The following LRBA variants were observed in gnomAD, a reference collection of about 807,000 sequenced individuals.
The protein encoded by LRBA is lipopolysaccharide-responsive and beige-like anchor protein.
A neutral mutation model predicts 330.0 loss-of-function variants in LRBA; 176 were observed. The observed-to-expected ratio is 0.53, with a 90% CI of 0.47 to 0.60. The LOEUF is 0.60. LRBA is among the 20% of genes least tolerant of loss of function. LRBA has a pLI of 0.00. For missense variants in LRBA, 3,259 were observed against 3,444.8 expected (o/e 0.95, Z 1.35); for synonymous variants, 1,230 against 1,193.0 (o/e 1.03, Z -0.64).
At chr4:150,296,438 AAC>A (rs924811354) in intron 53 of LRBA, among the ~76,000 whole-genome samples, 8 of 152,318 alleles carry the variant, frequency 5.3e-5, no homozygotes, top group African/African-American at 1.9e-4. Context: ...AGTCTTATCA[AAC>A]ACATTCATTT....
At chr4:150,289,422 A>C (rs1580910001) in intron 53 of LRBA, among the ~76,000 whole-genome samples, 1 of 152,220 alleles carries the variant, frequency 6.6e-6, no homozygotes, top group East Asian at 1.9e-4. Context: ...TCCCGGAAGC[A>C]GGTTAGACAG....
chr4:150,707,685 G>A (rs1785766682), intron 36 of LRBA, among the ~76,000 whole-genome samples: 1 of 151,666 alleles, frequency 6.6e-6, no homozygotes, highest in Non-Finnish European at 1.5e-5. Context: ...GTGGAAGGGG[G>A]TGAGACAATA....
chr4:150,525,545 G>A (rs186251634), intron 40 of LRBA, among the ~76,000 whole-genome samples: 1 of 152,134 alleles, frequency 6.6e-6, no homozygotes, highest in Non-Finnish European at 1.5e-5. Flanking sequence ...ACAAATACAA[G>A]GAACTACAGG....
At chr4:150,708,840 G>T (rs1362519583) in intron 36 of LRBA, among the ~76,000 whole-genome samples, 1 of 151,442 alleles carries the variant, frequency 6.6e-6, no homozygotes, top group Non-Finnish European at 1.5e-5. Context: ...CTTAAGTTGG[G>T]GTATACATAG....
chr4:150,789,732 A>G (rs776551545), intron 34 of LRBA, among the ~76,000 whole-genome samples: 9 of 152,202 alleles, frequency 5.9e-5, no homozygotes, highest in Non-Finnish European at 8.8e-5. Context: ...CAAAATTTAC[A>G]CTTTTAACCT....
chr4:150,800,758 C>T (rs557384371), intron 33 of LRBA, among the ~76,000 whole-genome samples: 1 of 152,312 alleles, frequency 6.6e-6, no homozygotes, highest in South Asian at 2.1e-4. Context: ...CTCTCTAAAA[C>T]TCTCAGTAGA....
At chr4:150,958,076 T>C (rs1304323433) in intron 2 of LRBA, among the ~76,000 whole-genome samples, 1 of 148,952 alleles carries the variant, frequency 6.7e-6, no homozygotes, top group East Asian at 1.9e-4. Context: ...TTCTCACAGC[T>C]CCACTAGGCA....
chr4:151,005,570 T>C (rs1337061213), intron 2 of LRBA, among the ~76,000 whole-genome samples: 4 of 133,728 alleles, frequency 3.0e-5, no homozygotes, highest in Non-Finnish European at 6.1e-5. Flanking sequence ...TCTTTTTTTT[T>C]TTGGAGACAG....
At chr4:150,797,836 T>C (rs1741016459) in intron 34 of LRBA, among the ~76,000 whole-genome samples, 2 of 152,134 alleles carry the variant, frequency 1.3e-5, no homozygotes, top group African/African-American at 2.4e-5. Flanking sequence ...TCATTTGATC[T>C]GGACATTTTT....
intron 40 of LRBA, among the ~76,000 whole-genome samples, chr4:150,559,486 G>A (rs972441093): frequency 1.4e-5 from 2 of 143,992 alleles, no homozygotes; most frequent in Admixed American, 7.5e-5. Context: ...GCTTGAACCC[G>A]GGAGGTGGAG....
At chr4:150,572,780 A>G (rs1474536573) in intron 40 of LRBA, among the ~76,000 whole-genome samples, 1 of 152,070 alleles carries the variant, frequency 6.6e-6, no homozygotes, top group East Asian at 1.9e-4. Context: ...GTGCTGAAGG[A>G]AATATGAGGG....
At chr4:150,427,523 A>G (rs2151976278) in intron 46 of LRBA, among the ~76,000 whole-genome samples, 1 of 152,114 alleles carries the variant, frequency 6.6e-6, no homozygotes, top group Middle Eastern at 3.4e-3. Context: ...ATAAACAGAC[A>G]TATTTGAGAA....
At chr4:150,441,192 G>A (rs1231690591) in intron 44 of LRBA, among the ~76,000 whole-genome samples, 1 of 151,998 alleles carries the variant, frequency 6.6e-6, no homozygotes, top group Non-Finnish European at 1.5e-5. Flanking sequence ...TAAGCCTGAT[G>A]AAATTAATGG....
intron 47 of LRBA, among the ~76,000 whole-genome samples, chr4:150,402,268 CA>C (rs72235117): frequency 0.23 from 31,221 of 137,342 alleles, 3,912 homozygotes; most frequent in Non-Finnish European, 0.31. Flanking sequence ...AGCAGTAGAC[CA>C]AAAAAAAAAA....
At chr4:150,332,664 A>C (rs1979949) in intron 48 of LRBA, among the ~76,000 whole-genome samples, 146,455 of 152,124 alleles carry the variant, frequency 0.96, 70,620 homozygotes, top group Non-Finnish European at 0.99. Context: ...AAACATTTCA[A>C]AAAAAGCTTG....
intron 51 of LRBA, among the ~76,000 whole-genome samples, chr4:150,313,013 C>T (rs112762907): frequency 6.6e-6 from 1 of 151,740 alleles, no homozygotes; most frequent in Non-Finnish European, 1.5e-5. Context: ...GTAATAATCA[C>T]TCAATACAGA....
At position 150,443,847 on chromosome 4, in the gene LRBA, T is replaced by TTA. The variant is rs1554027866; in HGVS notation, c.6781-6984_6781-6983insTA. On this transcript the variant is annotated intron_variant, in intron 44 of 56. Transcript: ENST00000651943. Reference sequence around the variant, plus strand: ...TGTATCCTAGAACTTAAAGTATAATTAAAAAAATATATATATATATATATA... The same window carrying TTA: ...TGTATCCTAGAACTTAAAGTATAATTTAAAAAAAATATATATATATATATATA... 5.6e-3 allele frequency among the ~76,000 whole-genome samples: 299 copies of TTA among 53,698 alleles called. 1 individual carries two copies. Among genetic ancestry groups the TTA allele is most frequent in the Middle Eastern group, 0.014 (1 of 70 alleles). The allele number at this position is 53,698 out of a possible 152,430, so 35.2% of individuals were successfully genotyped here.
chr4:150,405,411 T>A (rs1486252305), intron 47 of LRBA, among the ~76,000 whole-genome samples: 2 of 152,212 alleles, frequency 1.3e-5, no homozygotes, highest in African/African-American at 4.8e-5. Context: ...CACTGGTATT[T>A]GAAAGTGTAA....
At position 150,956,436 on chromosome 4, in the gene LRBA, A is replaced by C. The variant is rs1379186271; in HGVS notation, c.217-27371T>G. On this transcript the variant is annotated intron_variant, in intron 2 of 56. Coordinates refer to ENST00000651943, the MANE Select transcript of LRBA (RefSeq NM_001364905.1). ...TAGGCCCAGGTGGCTTCACTGGTGA[A>C]TTCTACCTAACATTTAAAGACAAAT... Among the ~76,000 whole-genome samples, 5 of 149,106 alleles carry C rather than the reference A, an allele frequency of 3.4e-5. 2 individuals are homozygous for C. Among genetic ancestry groups the C allele is most frequent in the African/African-American group, 1.3e-4 (5 of 38,558 alleles).
Sources: allele counts gnomAD v4.1 joint callset (sites outside exome capture counted in the v4.1 genomes callset), GRCh38; gene constraint gnomAD v4.1.1; transcripts MANE v1.5; gene names NCBI Gene and HGNC (gene_info 2026-07-23, HGNC 2026-07-21).